Variants in CCDC7 observed in about 807,000 individuals in gnomAD.
The protein encoded by CCDC7 is coiled-coil domain-containing protein 7.
A neutral mutation model predicts 196.9 loss-of-function variants in CCDC7; 183 were observed. The observed-to-expected ratio is 0.93, with a 90% CI of 0.82 to 1.05. The LOEUF is 1.05. Among genes scored for constraint, CCDC7 ranks in the 50% least tolerant of loss-of-function variants. The pLI, the probability that CCDC7 is intolerant of heterozygous loss-of-function variation, is 0.00. For synonymous variants in CCDC7, 525 were observed against 484.6 expected (o/e 1.08, Z -1.10); for missense variants, 1,540 against 1,482.2 (o/e 1.04, Z -0.64).
chr10:32,681,041 G>C (rs2075786845), intron 21 of CCDC7, among the ~76,000 whole-genome samples: 1 of 152,138 alleles, frequency 6.6e-6, no homozygotes, highest in African/African-American at 2.4e-5. Context: ...TTCCTGGAGA[G>C]CCCCATCAGT....
chr10:32,813,861 T>A (rs1414965840), intron 30 of CCDC7, among the ~76,000 whole-genome samples: 1 of 152,218 alleles, frequency 6.6e-6, no homozygotes, highest in Non-Finnish European at 1.5e-5. Context: ...TAGTCTGGCT[T>A]ATATAATTGT....
At chr10:32,587,587 C>T (rs970265745) in intron 18 of CCDC7, among the ~76,000 whole-genome samples, 26 of 152,094 alleles carry the variant, frequency 1.7e-4, no homozygotes, top group African/African-American at 5.3e-4. Flanking sequence ...TTAGGAGGCA[C>T]GTTTAAATCA....
chr10:32,551,555 G>A (rs1405360424), intron 13 of CCDC7, among the ~76,000 whole-genome samples: 5 of 152,012 alleles, frequency 3.3e-5, no homozygotes, highest in Admixed American at 6.6e-5. Flanking sequence ...TTTCCTGTTA[G>A]CACTGCCTTT....
At chr10:32,771,738 T>C (rs1255359794) in intron 28 of CCDC7, among the ~76,000 whole-genome samples, 1 of 152,198 alleles carries the variant, frequency 6.6e-6, no homozygotes, top group Non-Finnish European at 1.5e-5. Context: ...CCTCAGTGTG[T>C]TGGCTTTTTT....
intron 16 of CCDC7, among the ~76,000 whole-genome samples, chr10:32,580,027 T>C (rs2058596295): frequency 6.6e-6 from 1 of 152,034 alleles, no homozygotes; most frequent in Admixed American, 6.6e-5. Flanking sequence ...CAGTTATCAA[T>C]GAAGGACCTT....
chr10:32,848,334 A>G (rs1434423400), intron 38 of CCDC7, among the ~76,000 whole-genome samples: 12 of 152,166 alleles, frequency 7.9e-5, no homozygotes, highest in Admixed American at 6.5e-4. Flanking sequence ...AATTATAGAA[A>G]TGAACATTTG....
intron 8 of CCDC7, among the ~76,000 whole-genome samples, chr10:32,477,159 TAA>T (rs2039125056): frequency 6.6e-6 from 1 of 152,132 alleles, no homozygotes; most frequent in Admixed American, 6.6e-5. Flanking sequence ...TACTGCCTTG[TAA>T]AAGTTTTATA....
chr10:32,707,159 G>T (rs2079921510), intron 24 of CCDC7, among the ~76,000 whole-genome samples: 1 of 152,186 alleles, frequency 6.6e-6, no homozygotes, highest in African/African-American at 2.4e-5. Context: ...TGCAAGGCTG[G>T]TTCAACATAC....
At chr10:32,525,787 G>A (rs1051563490) in intron 11 of CCDC7, among the ~76,000 whole-genome samples, 3 of 152,194 alleles carry the variant, frequency 2.0e-5, no homozygotes. Context: ...TGATGGTCTT[G>A]GATAAGATCC....
At chr10:32,706,418 G>T (rs940925908) in intron 24 of CCDC7, among the ~76,000 whole-genome samples, 2 of 152,016 alleles carry the variant, frequency 1.3e-5, no homozygotes, top group Admixed American at 6.5e-5. Context: ...AACTAGAGAA[G>T]CAAGAGCAAA....
intron 28 of CCDC7, among the ~76,000 whole-genome samples, chr10:32,751,487 T>C (rs536569908): frequency 6.6e-6 from 1 of 152,254 alleles, no homozygotes; most frequent in South Asian, 2.1e-4. Context: ...TGCTTTTGCA[T>C]GGAGCTTGCT....
chr10:32,462,631 C>A, intron 3 of CCDC7, 52 bp from the exon 5 acceptor site: 1 of 1,283,516 alleles, frequency 7.8e-7, no homozygotes, highest in Non-Finnish European at 1.1e-6. Context: ...TTATATTATA[C>A]ATTGTGAAGC....
chr10:32,644,915 A>G (rs576258139), intron 20 of CCDC7, among the ~76,000 whole-genome samples: 2 of 152,328 alleles, frequency 1.3e-5, no homozygotes, highest in African/African-American at 4.8e-5. Context: ...ACTGGATAGT[A>G]TTCATTGCAG....
At chr10:32,456,056 G>A (rs1220929384) in intron 2 of CCDC7, among the ~76,000 whole-genome samples, 195 bp from the exon 4 acceptor site, 2 of 152,142 alleles carry the variant, frequency 1.3e-5, no homozygotes, top group African/African-American at 2.4e-5. Flanking sequence ...TTCCCAAAGT[G>A]TACTTTCTTT....
intron 9 of CCDC7, among the ~76,000 whole-genome samples, chr10:32,505,990 C>G (rs11522445): frequency 1.4e-5 from 2 of 140,962 alleles, no homozygotes; most frequent in South Asian, 2.3e-4. Flanking sequence ...ACTTCCCAGA[C>G]GGGGTGGCCA....
intron 31 of CCDC7, among the ~76,000 whole-genome samples, chr10:32,815,322 A>G (rs2088184909): frequency 6.6e-6 from 1 of 152,190 alleles, no homozygotes; most frequent in Admixed American, 6.5e-5. Context: ...TAATATCATC[A>G]AATAATTAAA....
intron 28 of CCDC7, among the ~76,000 whole-genome samples, chr10:32,744,520 CTG>C (rs2074386597): frequency 6.6e-6 from 1 of 152,306 alleles, no homozygotes; most frequent in East Asian, 1.9e-4. Flanking sequence ...ATTCTAATAA[CTG>C]TGTAATTGTG....
chr10:32,616,317 A>G (rs1437305053), intron 18 of CCDC7, among the ~76,000 whole-genome samples: 3 of 151,754 alleles, frequency 2.0e-5, no homozygotes, highest in African/African-American at 7.2e-5. Flanking sequence ...ATTTGTTTGC[A>G]TAGTCTGTGA....
chr10:32,779,289 T>A (rs897146756), intron 29 of CCDC7, among the ~76,000 whole-genome samples: 1 of 152,240 alleles, frequency 6.6e-6, no homozygotes, highest in African/African-American at 2.4e-5. Context: ...ATTAATTTTG[T>A]AATGTTTCAT....
Sources: allele counts gnomAD v4.1 joint callset (sites outside exome capture counted in the v4.1 genomes callset), GRCh38; gene constraint gnomAD v4.1.1; transcripts MANE v1.5; gene names NCBI Gene and HGNC (gene_info 2026-07-23, HGNC 2026-07-21).